Variants in CYRIA observed in about 807,000 individuals in gnomAD.
CYRIA encodes CYFIP-related Rac1 interactor A.
Under a neutral mutation model 43.9 loss-of-function variants are expected in CYRIA, and 15 were observed. The ratio of observed to expected loss-of-function variants is 0.34; its 90% CI spans 0.23 to 0.53. The LOEUF (loss-of-function observed/expected upper bound fraction) is 0.53. Ranked by LOEUF, CYRIA falls within the 20% of genes least tolerant of loss-of-function variation. CYRIA has a pLI of 0.94. For synonymous variants in CYRIA, 117 were observed against 136.0 expected (o/e 0.86, Z 0.97); for missense variants, 236 against 394.2 (o/e 0.60, Z 3.40).
chr2:16,664,234 T>C (rs1210835335), intron 1 of CYRIA, among the ~76,000 whole-genome samples: 2 of 152,088 alleles, frequency 1.3e-5, no homozygotes, highest in Admixed American at 6.6e-5. Context: ...GCAGGTCTGT[T>C]TCCACCTCGC....
intron 1 of CYRIA, among the ~76,000 whole-genome samples, chr2:16,626,218 G>A (rs1440368671): frequency 2.0e-5 from 3 of 152,112 alleles, no homozygotes; most frequent in Non-Finnish European, 2.9e-5. Context: ...GCACCAAGGG[G>A]TAGAGAATGC....
chr2:16,555,765 C>T (rs996733384), intron 10 of CYRIA, among the ~76,000 whole-genome samples: 2 of 152,030 alleles, frequency 1.3e-5, no homozygotes, highest in Non-Finnish European at 2.9e-5. Context: ...AATTTAGTGC[C>T]CATATTAACT....
chr2:16,657,300 A>G (rs1441851384), intron 1 of CYRIA, among the ~76,000 whole-genome samples: 1 of 152,156 alleles, frequency 6.6e-6, no homozygotes, highest in African/African-American at 2.4e-5. Context: ...CATGGGCAAA[A>G]TGATGAGTAA....
At chr2:16,606,393 C>T (rs895448263) in intron 2 of CYRIA, among the ~76,000 whole-genome samples, 1 of 151,822 alleles carries the variant, frequency 6.6e-6, no homozygotes, top group African/African-American at 2.4e-5. Flanking sequence ...TCTCTCTCTC[C>T]AGTCTCTCTC....
At chr2:16,646,511 C>G (rs1295949222) in intron 1 of CYRIA, among the ~76,000 whole-genome samples, 2 of 152,192 alleles carry the variant, frequency 1.3e-5, no homozygotes, top group African/African-American at 4.8e-5. Flanking sequence ...CAGGCAAGCT[C>G]AGGCCTCCCT....
At chr2:16,642,251 G>C (rs1335681023) in intron 1 of CYRIA, among the ~76,000 whole-genome samples, 3 of 152,172 alleles carry the variant, frequency 2.0e-5, no homozygotes, top group East Asian at 1.9e-4. Flanking sequence ...CTCAAACTCA[G>C]CGTGGCCCAA....
At chr2:16,564,145 C>A (rs766699701) in intron 4 of CYRIA, 51 bp from the exon 5 acceptor site, 6 of 1,380,088 alleles carry the variant, frequency 4.3e-6, no homozygotes, top group African/African-American at 1.4e-5. Context: ...GTAAGCTCCA[C>A]ATCAAAATGC....
intron 9 of CYRIA, chr2:16,560,787 A>G: frequency 1.7e-6 from 1 of 585,282 alleles, no homozygotes; most frequent in Non-Finnish European, 3.0e-6. Flanking sequence ...AAGTCAGTCA[A>G]CCACTTTGGG....
At chr2:16,631,341 C>T (rs1363495365) in intron 1 of CYRIA, among the ~76,000 whole-genome samples, 6 of 152,164 alleles carry the variant, frequency 3.9e-5, no homozygotes, top group Non-Finnish European at 5.9e-5. Flanking sequence ...TCTCTGAGGG[C>T]AGTGAATAGC....
chr2:16,573,453 GA>G (rs1667213244), intron 3 of CYRIA, among the ~76,000 whole-genome samples: 1 of 152,202 alleles, frequency 6.6e-6, no homozygotes, highest in Admixed American at 6.5e-5. Flanking sequence ...AGGTATGAGA[GA>G]AAGATAAAAT....
chr2:16,572,431 T>C (rs1667166038), intron 3 of CYRIA, among the ~76,000 whole-genome samples: 1 of 152,028 alleles, frequency 6.6e-6, no homozygotes, highest in African/African-American at 2.4e-5. Context: ...AAAATGAGGA[T>C]ACTAGACAAA....
intron 2 of CYRIA, among the ~76,000 whole-genome samples, chr2:16,593,831 G>T (rs11680326): frequency 2.8e-5 from 4 of 143,214 alleles, no homozygotes; most frequent in African/African-American, 1.0e-4. Context: ...ACCCACTAAT[G>T]TGTCATCTAG....
At chr2:16,590,131 A>G (rs1667873165) in intron 2 of CYRIA, among the ~76,000 whole-genome samples, 1 of 151,972 alleles carries the variant, frequency 6.6e-6, no homozygotes, top group South Asian at 2.1e-4. Context: ...CTTCTCAAAG[A>G]TTATTCTTTG....
intron 3 of CYRIA, among the ~76,000 whole-genome samples, chr2:16,578,679 T>G (rs950026136): frequency 6.6e-6 from 1 of 152,090 alleles, no homozygotes; most frequent in Non-Finnish European, 1.5e-5. Context: ...GTAGAAAGTA[T>G]CAGTAAACTT....
chr2:16,663,996 A>C (rs1479831372), intron 1 of CYRIA, among the ~76,000 whole-genome samples: 1 of 152,174 alleles, frequency 6.6e-6, no homozygotes, highest in African/African-American at 2.4e-5. Flanking sequence ...ACCTTAGGGA[A>C]ATAACTCACT....
At chr2:16,613,727 A>C (rs1668684510) in intron 2 of CYRIA, among the ~76,000 whole-genome samples, 1 of 152,244 alleles carries the variant, frequency 6.6e-6, no homozygotes, top group Non-Finnish European at 1.5e-5. Context: ...AAAAAAGGAC[A>C]AAGCAGAAGT....
rs764238772 is a variant in CYRIA, at chr2:16,561,568, T to C, written c.436-35A>G. On this transcript the variant is annotated intron_variant, in intron 6 of 11. Coordinates refer to ENST00000381323, the MANE Select transcript of CYRIA (RefSeq NM_030797.4). ...AGAGGACAAGAGCGAAGGTCATCTCTCAGTATCAGATGGGGTATATGCATT... is the reference window on the plus strand; with the variant it reads ...AGAGGACAAGAGCGAAGGTCATCTCCCAGTATCAGATGGGGTATATGCATT... 3.3e-6 allele frequency: 5 copies of C among 1,528,202 alleles called. No homozygotes were observed. In the East Asian group the frequency reaches 9.0e-5, roughly 28 times the overall value. 94.7% of individuals were successfully genotyped at this position (1,528,202 alleles called of 1,614,324 possible). A position where few individuals can be genotyped will look rare whatever the true frequency, so the allele number is the denominator to read the frequency against.
At chr2:16,632,653 T>C (rs1169000349) in intron 1 of CYRIA, among the ~76,000 whole-genome samples, 1 of 151,992 alleles carries the variant, frequency 6.6e-6, no homozygotes, top group East Asian at 1.9e-4. Flanking sequence ...CGGGGGAAAA[T>C]GAAAAACTTC....
At position 16,562,025 on chromosome 2, in the gene CYRIA, G is replaced by A. The variant is rs1666752837; in HGVS notation, c.415C>T (p.Leu139Phe). The change falls in exon 6 of 12, where the codon CTT becomes TTT. Residue 139 changes from leucine to phenylalanine, a missense_variant. Leu to Phe is a conservative substitution (Grantham distance 22). Around this residue, in one of 3 missense-constraint regions of CYRIA, gnomAD observed 193 missense variants for 303.9 expected, o/e 0.64. Transcript: ENST00000381323. ...CTAACCTTCAGCTCATCGAATCGAA[G>A]GGTAAAATGTAAAATTTCGGCAAAC... is the stretch of plus-strand genomic sequence containing the variant. ...KEFAEILHFT[L>F]RFDELKMRNP... 6.2e-7 allele frequency: 1 copy of A among 1,613,170 alleles called. No individual in the cohort carries two copies. The highest frequency in any genetic ancestry group is 8.5e-7 in the Non-Finnish European group (1 of 1,179,572).
Sources: gnomAD v4.1 joint callset for allele counts (sites outside exome capture counted in the v4.1 genomes callset) on GRCh38, gnomAD v4.1.1 for gene constraint, gnomAD v4.1.1 regional missense constraint, MANE v1.5 for transcripts, NCBI Gene and HGNC (gene_info 2026-07-23, HGNC 2026-07-21) for gene names.